Variants in TRIO observed in about 807,000 individuals in gnomAD.
TRIO encodes the protein trio Rho guanine nucleotide exchange factor.
In TRIO, 58 loss-of-function variants were observed where a neutral mutation model predicts 351.9. That is an observed-to-expected ratio of 0.16 (90% confidence interval 0.13 to 0.21). The LOEUF (loss-of-function observed/expected upper bound fraction) is 0.21, where lower values mean the gene tolerates loss of function less well. TRIO is among the 10% of genes least tolerant of loss of function. The pLI, the probability that TRIO is intolerant of heterozygous loss-of-function variation, is 1.00. For synonymous variants in TRIO, 1,758 were observed against 1,595.7 expected (o/e 1.10, Z -2.42); for missense variants, 3,201 against 4,027.8 (o/e 0.79, Z 5.56).
At chr5:14,249,669 C>T (rs751308828) in intron 1 of TRIO, among the ~76,000 whole-genome samples, 7 of 152,120 alleles carry the variant, frequency 4.6e-5, no homozygotes, top group Non-Finnish European at 1.0e-4. Context: ...TTGGTGATAA[C>T]GTCATTCTGA....
chr5:14,352,163 G>A (rs961876110), intron 11 of TRIO, among the ~76,000 whole-genome samples: 1 of 152,154 alleles, frequency 6.6e-6, no homozygotes, highest in African/African-American at 2.4e-5. Flanking sequence ...CACACCTGCA[G>A]CCCACTTGTG....
In TRIO at chr5:14,406,203, C is replaced by T. The variant is rs139127240; in HGVS notation, c.4859+213C>T. Reference sequence around the variant, plus strand: ...CTTAGAGTAAACGAAGGGCTGTGTGCAAACCTCTCATTGTTTTGCCTTTCT... The same window carrying T: ...CTTAGAGTAAACGAAGGGCTGTGTGTAAACCTCTCATTGTTTTGCCTTTCT... On this transcript the variant is annotated intron_variant, in intron 32 of 56. Transcript: ENST00000344204. 491 of 715,192 alleles carry T rather than the reference C, an allele frequency of 6.9e-4. 4 individuals carry two copies. The African/African-American group carries it at 7.8e-3, about 11-fold the overall frequency. 44.3% of individuals were successfully genotyped at this position (715,192 alleles called of 1,614,324 possible).
chr5:14,183,866 T>G lies in TRIO; in HGVS notation c.157+39984T>G. 6.9e-6 allele frequency: 4 copies of G among 579,674 alleles called. No homozygotes were observed. The East Asian group carries it at 9.7e-5, about 14-fold the overall frequency. 35.9% of individuals were successfully genotyped at this position (579,674 alleles called of 1,614,324 possible). A position where few individuals can be genotyped will look rare whatever the true frequency, so the allele number is the denominator to read the frequency against. ...GAGGGACACTGCCAACTGTTAACCT[T>G]TGGCAGATAGTGACTGTTTTACTTC... is the stretch of plus-strand genomic sequence containing the variant. On this transcript the variant is annotated intron_variant, in intron 1 of 56. Transcript: ENST00000344204.
At chr5:14,160,913 A>G (rs1047037627) in intron 1 of TRIO, among the ~76,000 whole-genome samples, 1 of 152,016 alleles carries the variant, frequency 6.6e-6, no homozygotes, top group African/African-American at 2.4e-5. Flanking sequence ...CCAAACATAC[A>G]TTTATTATTT....
chr5:14,438,146 C>T (rs777038574), intron 34 of TRIO, among the ~76,000 whole-genome samples: 6 of 152,212 alleles, frequency 3.9e-5, no homozygotes, highest in Non-Finnish European at 7.3e-5. Flanking sequence ...GTGTTCTCTT[C>T]CGCCAAGTGC....
chr5:14,468,892 A>C (rs1302150189), intron 37 of TRIO, among the ~76,000 whole-genome samples: 2 of 152,206 alleles, frequency 1.3e-5, no homozygotes, highest in Non-Finnish European at 2.9e-5. Flanking sequence ...TTGACTCGAA[A>C]AATGAAAGCC....
chr5:14,480,121 AG>A, intron 43 of TRIO, 110 bp downstream of exon 43: 1 of 955,972 alleles, frequency 1.0e-6, no homozygotes, highest in Non-Finnish European at 1.6e-6. Flanking sequence ...TCTGTGTAAC[AG>A]GTATATTATT....
intron 7 of TRIO, among the ~76,000 whole-genome samples, chr5:14,303,525 G>T (rs1186877846): frequency 6.6e-6 from 1 of 151,280 alleles, no homozygotes; most frequent in East Asian, 2.0e-4. Flanking sequence ...GCCAGGATTG[G>T]GATGGCTGCC....
At chr5:14,420,585 T>C (rs1463293737) in intron 34 of TRIO, 1 of 153,152 alleles carries the variant, frequency 6.5e-6, no homozygotes, top group African/African-American at 2.4e-5. Flanking sequence ...TTTCAGACTT[T>C]GGCCAAAAGC....
At chr5:14,331,552 A>T (rs1232894915) in intron 10 of TRIO, among the ~76,000 whole-genome samples, 3 of 152,170 alleles carry the variant, frequency 2.0e-5, no homozygotes, top group Admixed American at 2.0e-4. Flanking sequence ...TACTAAATAT[A>T]GATTTATTAT....
chr5:14,460,573 TC>T (rs1326323939), intron 34 of TRIO, among the ~76,000 whole-genome samples: 49 of 152,388 alleles, frequency 3.2e-4, no homozygotes, highest in African/African-American at 1.2e-3. Flanking sequence ...AGTAAGCATG[TC>T]AGTTGGCATA....
At chr5:14,162,960 C>T (rs1788560095) in intron 1 of TRIO, among the ~76,000 whole-genome samples, 1 of 152,102 alleles carries the variant, frequency 6.6e-6, no homozygotes, top group Non-Finnish European at 1.5e-5. Context: ...GTGTGTACCA[C>T]CATGCCTGGC....
chr5:14,390,390 C>A lies in TRIO; in HGVS notation c.4128+90C>A. On this transcript the variant is annotated intron_variant, in intron 26 of 56. Coordinates refer to ENST00000344204, the MANE Select transcript of TRIO (RefSeq NM_007118.4). ...GATGGTCTTCATTTCCTTTAAGTCA[C>A]CATCTTCTGCTCATATCCATGCTTG... 12 of 1,167,908 alleles carry A rather than the reference C, an allele frequency of 1.0e-5. No homozygotes were observed. In the South Asian group the frequency reaches 1.3e-4, roughly 13 times the overall value. 72.3% of individuals were successfully genotyped at this position (1,167,908 alleles called of 1,614,324 possible). A position where few individuals can be genotyped will look rare whatever the true frequency, so the allele number is the denominator to read the frequency against.
At chr5:14,439,766 T>G (rs538287949) in intron 34 of TRIO, among the ~76,000 whole-genome samples, 1 of 152,302 alleles carries the variant, frequency 6.6e-6, no homozygotes, top group Admixed American at 6.5e-5. Context: ...ACCTTACGCT[T>G]TGCTTTTGGT....
chr5:14,316,515 C>T lies in TRIO; in HGVS notation c.1503C>T (p.Val501=), dbSNP rs1342078731. Residue 501 remains valine, a splice_region_variant and synonymous_variant, in exon 9 of 57, where the codon GTC becomes GTT. Transcript: ENST00000344204. ...TCACTCATTTCTTTTGTGGGCAGGT[C>T]AGCCAAGATGGGAAGTCGCTCCTTG... The part of the protein sequence containing the change: ...YEHITLAYSE[V]SQDGKSLLDK... 1 of 1,613,818 alleles carries T rather than the reference C, an allele frequency of 6.2e-7. No individual in the cohort carries two copies. The highest frequency in any genetic ancestry group is 1.1e-5 in the South Asian group (1 of 91,018).
At chr5:14,499,182 A>C (rs1450421464) in intron 53 of TRIO, 1 of 153,654 alleles carries the variant, frequency 6.5e-6, no homozygotes, top group Non-Finnish European at 1.4e-5. Context: ...CCCATCCAGG[A>C]GGAGCCAGGC....
intron 11 of TRIO, among the ~76,000 whole-genome samples, chr5:14,349,053 T>A (rs544690421): frequency 5.5e-4 from 83 of 151,904 alleles, no homozygotes; most frequent in African/African-American, 1.9e-3. Context: ...AGCATGTGTT[T>A]TTCCTGCATG....
intron 37 of TRIO, 64 bp from the exon 38 acceptor site, chr5:14,471,254 C>G (rs1754661558): frequency 6.7e-7 from 1 of 1,490,494 alleles, no homozygotes; most frequent in African/African-American, 1.4e-5. Flanking sequence ...ATTTTCTTGT[C>G]TTAGTTTTAG....
In TRIO at chr5:14,374,240, T is replaced by C. The variant is rs773509630; in HGVS notation, c.3228T>C (p.Leu1076=). ...QKEAFLKACT[L]ARRNADVFLK... ...CCATTGTTTTTTAGGCTTGCACCCT[T>C]GCTCGGAGGAATGCAGACGTCTTCC... The change falls in exon 19 of 57, where the codon CTT becomes CTC. Residue 1076 remains leucine, a synonymous_variant. Coordinates refer to ENST00000344204, the MANE Select transcript of TRIO (RefSeq NM_007118.4). 6.2e-7 allele frequency: 1 copy of C among 1,613,434 alleles called. No homozygotes were observed. Among genetic ancestry groups the C allele is most frequent in the South Asian group, 1.1e-5 (1 of 91,034 alleles).
Sources: allele counts gnomAD v4.1 joint callset (sites outside exome capture counted in the v4.1 genomes callset), GRCh38; gene constraint gnomAD v4.1.1; transcripts MANE v1.5; gene names NCBI Gene and HGNC (gene_info 2026-07-23, HGNC 2026-07-21).